Variants in FAR2 observed in about 807,000 individuals in gnomAD.
The protein encoded by FAR2 is epididymis secretory protein Li 81.
FAR2 carries 19 observed loss-of-function variants against 56.0 expected under a neutral mutation model. The observed-to-expected ratio is 0.34, with a 90% CI of 0.24 to 0.50. FAR2 has a LOEUF of 0.50. Ranked by LOEUF, FAR2 falls within the 20% of genes least tolerant of loss-of-function variation. The probability of loss-of-function intolerance (pLI) is 0.98; values close to 1 mark genes in which losing one functional copy is unlikely to be tolerated. For missense variants in FAR2, 508 were observed against 642.2 expected, an observed-to-expected ratio of 0.79 and a Z score of 2.26; for synonymous variants, 219 against 218.8, an observed-to-expected ratio of 1.00 and a Z score of -0.01.
intron 2 of FAR2, among the ~76,000 whole-genome samples, chr12:29,279,170 A>G (rs929975094): frequency 3.9e-5 from 6 of 152,248 alleles, no homozygotes; most frequent in Admixed American, 1.3e-4. Context: ...CTCATTTTTC[A>G]TGGTCATTTC....
At chr12:29,185,075 CAT>C (rs1000379078) in intron 1 of FAR2, among the ~76,000 whole-genome samples, 5 of 152,018 alleles carry the variant, frequency 3.3e-5, no homozygotes, top group Admixed American at 2.0e-4. Context: ...TATATGATAT[CAT>C]ATAGTTATTT....
chr12:29,279,402 C>T (rs1361476101), intron 2 of FAR2, among the ~76,000 whole-genome samples: 1 of 152,200 alleles, frequency 6.6e-6, no homozygotes, highest in African/African-American at 2.4e-5. Flanking sequence ...ATAGGTCATC[C>T]TCTACCCTGT....
At chr12:29,225,591 A>G (rs962886299) in intron 1 of FAR2, among the ~76,000 whole-genome samples, 3 of 152,308 alleles carry the variant, frequency 2.0e-5, no homozygotes, top group Non-Finnish European at 2.9e-5. Context: ...CTGTAATACT[A>G]TTTCTAGTCA....
chr12:29,263,133 GC>G (rs200863537), intron 1 of FAR2, among the ~76,000 whole-genome samples: 1 of 152,066 alleles, frequency 6.6e-6, no homozygotes, highest in African/African-American at 2.4e-5. Context: ...CAACACTGGA[GC>G]CCCCCAGATA....
chr12:29,333,360 A>G, intron 11 of FAR2: 1 of 370,872 alleles, frequency 2.7e-6, no homozygotes, highest in South Asian at 4.9e-5. Context: ...TGACCAAAGT[A>G]TATTTACAAG....
At chr12:29,319,690 C>T (rs1206250771) in intron 9 of FAR2, among the ~76,000 whole-genome samples, 1 of 152,156 alleles carries the variant, frequency 6.6e-6, no homozygotes, top group African/African-American at 2.4e-5. Flanking sequence ...ATCCTGGCTT[C>T]ACCAATTTAG....
intron 2 of FAR2, among the ~76,000 whole-genome samples, chr12:29,284,565 G>A (rs540410596): frequency 2.0e-5 from 3 of 152,244 alleles, no homozygotes; most frequent in East Asian, 3.9e-4. Flanking sequence ...GATAAATCAC[G>A]CAGGGTTACA....
intron 1 of FAR2, among the ~76,000 whole-genome samples, chr12:29,159,945 A>G (rs1949766953): frequency 6.6e-6 from 1 of 152,232 alleles, no homozygotes; most frequent in East Asian, 1.9e-4. Context: ...ATAAGTGGAA[A>G]AACCCCATTA....
chr12:29,202,424 G>A (rs900365385), intron 1 of FAR2, among the ~76,000 whole-genome samples: 5 of 152,164 alleles, frequency 3.3e-5, no homozygotes, highest in Admixed American at 1.3e-4. Context: ...GATCAACATG[G>A]TGGCAGTCAT....
chr12:29,300,316 A>C (rs1440265968), intron 4 of FAR2, among the ~76,000 whole-genome samples: 1 of 152,214 alleles, frequency 6.6e-6, no homozygotes, highest in Non-Finnish European at 1.5e-5. Flanking sequence ...ACTTTTGAAT[A>C]GCACTTTAAA....
At chr12:29,280,097 G>A (rs1473926260) in intron 2 of FAR2, among the ~76,000 whole-genome samples, 1 of 151,946 alleles carries the variant, frequency 6.6e-6, no homozygotes, top group Non-Finnish European at 1.5e-5. Context: ...GCTAATTTTT[G>A]TATTTCTGAT....
chr12:29,165,327 G>A (rs1216280549), intron 1 of FAR2, among the ~76,000 whole-genome samples: 19 of 152,182 alleles, frequency 1.2e-4, no homozygotes, highest in Admixed American at 1.1e-3. Flanking sequence ...AATTATGGCT[G>A]ATTAAAATCA....
At chr12:29,250,992 G>A (rs572733654) in intron 1 of FAR2, among the ~76,000 whole-genome samples, 2 of 152,302 alleles carry the variant, frequency 1.3e-5, no homozygotes, top group African/African-American at 4.8e-5. Context: ...TCAAAGAGGA[G>A]GTGGGCATGT....
chr12:29,325,475 T>G (rs1340423615), intron 10 of FAR2, among the ~76,000 whole-genome samples: 9 of 152,026 alleles, frequency 5.9e-5, no homozygotes, highest in Non-Finnish European at 1.0e-4. Context: ...CCACACCTAT[T>G]CCAAAATTGA....
At position 29,217,106 on chromosome 12, in the gene FAR2, G is replaced by C. The variant is rs144149704; in HGVS notation, c.-38-53306G>C. Among the ~76,000 whole-genome samples the C allele has an allele frequency of 2.2e-3, 331 of 152,268 alleles. 3 individuals carry two copies. Among genetic ancestry groups the C allele is most frequent in the African/African-American group, 7.3e-3 (304 of 41,548 alleles). On this transcript the variant is annotated intron_variant, in intron 1 of 11. Coordinates refer to ENST00000536681, the MANE Select transcript of FAR2 (RefSeq NM_001271783.2). Reference sequence around the variant, plus strand: ...AAAATGTAGGAGATTAGGATATTCTGACTAGAATGTAGGAAAAATAGATAA... The same window carrying C: ...AAAATGTAGGAGATTAGGATATTCTCACTAGAATGTAGGAAAAATAGATAA...
Position 29,321,896 on chromosome 12 carries a change from T to G in FAR2, c.1229T>G (p.Met410Arg). 6.2e-7 allele frequency: 1 copy of G among 1,613,630 alleles called. No homozygotes were observed. The highest frequency in any genetic ancestry group is 8.5e-7 in the Non-Finnish European group (1 of 1,179,686). The change falls in exon 10 of 12, where the codon ATG (methionine) becomes AGG (arginine). Residue 410 changes from methionine (M) to arginine (R), a missense_variant. Coordinates refer to ENST00000536681, the MANE Select transcript of FAR2 (RefSeq NM_001271783.2). ...AGCACGTACAATACAGAAATGCTGA[T>G]GTCTGAGCTGAGTCCTGAAGACCAG... ...EWSTYNTEML[M>R]SELSPEDQRV... is the part of the protein sequence containing the mutation.
intron 5 of FAR2, 45 bp from the exon 6 acceptor site, chr12:29,309,141 C>T (rs776021493): frequency 7.0e-7 from 1 of 1,432,158 alleles, no homozygotes; most frequent in East Asian, 2.3e-5. Context: ...AAAGATAAAA[C>T]AATTTTCTGA....
At chr12:29,166,892 G>C (rs1444830080) in intron 1 of FAR2, among the ~76,000 whole-genome samples, 1 of 152,026 alleles carries the variant, frequency 6.6e-6, no homozygotes, top group African/African-American at 2.4e-5. Flanking sequence ...CACGATCCCT[G>C]CCCCTGATAC....
intron 1 of FAR2, among the ~76,000 whole-genome samples, chr12:29,251,782 T>C (rs11610910): frequency 0.12 from 18,081 of 152,158 alleles, 1,245 homozygotes; most frequent in Middle Eastern, 0.24. Context: ...CATCACGGAT[T>C]GTGCAAGGCT....
Sources: allele counts gnomAD v4.1 joint callset (sites outside exome capture counted in the v4.1 genomes callset), GRCh38; gene constraint gnomAD v4.1.1; transcripts MANE v1.5; gene names NCBI Gene and HGNC (gene_info 2026-07-23, HGNC 2026-07-21).